Variants in TRPM1 observed in about 807,000 individuals in gnomAD.
TRPM1 encodes transient receptor potential cation channel subfamily M member 1.
Under a neutral mutation model 149.4 loss-of-function variants are expected in TRPM1, and 113 were observed. The observed-to-expected ratio is 0.76, with a 90% CI of 0.65 to 0.88. The LOEUF is 0.88. TRPM1 is among the 40% of genes least tolerant of loss of function. The probability of loss-of-function intolerance (pLI) is 0.00; values close to 1 mark genes in which losing one functional copy is unlikely to be tolerated. For synonymous variants in TRPM1, 741 were observed against 759.5 expected (o/e 0.98, Z 0.40); for missense variants, 1,976 against 2,038.7 (o/e 0.97, Z 0.59).
chr15:31,063,206 C>A lies in TRPM1; in HGVS notation c.877G>T (p.Glu293Ter), dbSNP rs757839268. The A allele has an allele frequency of 6.2e-7, 1 of 1,614,212 alleles. No homozygotes were observed. Among genetic ancestry groups the A allele is most frequent in the South Asian group, 1.1e-5 (1 of 91,086 alleles). ...CAAATCACCACAGGGATGGGAGGCT[C>A]TTCTTGCAGGTATTCCAAGACGATG... is the stretch of plus-strand genomic sequence containing the variant. ...VSIVLEYLQE[E>*]PPIPVVICDG... is the part of the protein sequence containing the mutation. The change falls in exon 8 of 28, where the codon GAG becomes TAG. Residue 293 changes from glutamate to a stop codon, truncating the protein, a stop_gained. Coordinates refer to ENST00000256552, the MANE Select transcript of TRPM1 (RefSeq NM_001252024.2). LOFTEE classifies it high-confidence loss of function.
intron 1 of TRPM1, among the ~76,000 whole-genome samples, chr15:31,088,453 G>A (rs1299414512): frequency 6.6e-6 from 1 of 152,196 alleles, no homozygotes; most frequent in African/African-American, 2.4e-5. Flanking sequence ...TGACTGTACG[G>A]TATGTGGCTT....
At chr15:31,108,556 C>T (rs994404325) in intron 1 of TRPM1, among the ~76,000 whole-genome samples, 9 of 151,924 alleles carry the variant, frequency 5.9e-5, no homozygotes, top group African/African-American at 9.7e-5. Context: ...TGCAACGGCA[C>T]GATCTCAGCT....
At chr15:31,061,691 G>GA (rs1555423937) in intron 9 of TRPM1, among the ~76,000 whole-genome samples, 177 bp from the exon 10 acceptor site, 3 of 145,740 alleles carry the variant, frequency 2.1e-5, no homozygotes, top group Non-Finnish European at 4.5e-5. Context: ...TTTTCTTTTT[G>GA]TTTTTTTTTT....
At chr15:31,060,264 C>T (rs1274892872) in intron 11 of TRPM1, 2 of 516,822 alleles carry the variant, frequency 3.9e-6, no homozygotes, top group African/African-American at 1.9e-5. Flanking sequence ...TTTATTTCTT[C>T]TTCTTTTTCT....
chr15:31,034,794 G>A (rs896797486), intron 21 of TRPM1, among the ~76,000 whole-genome samples: 3 of 152,158 alleles, frequency 2.0e-5, no homozygotes, highest in Non-Finnish European at 2.9e-5. Flanking sequence ...GCCCAGTTGC[G>A]GTAATTGGTT....
Position 31,067,872 on chromosome 15 carries a change from C to T in TRPM1, c.493+7G>A, listed in dbSNP as rs2034423825. 1.9e-6 allele frequency: 3 copies of T among 1,612,360 alleles called. No homozygotes were observed. The highest frequency in any genetic ancestry group is 1.1e-5 in the South Asian group (1 of 91,010). The stretch of plus-strand genomic sequence containing the variant: ...TGATTATCGGGAGGGAAAGGGCCTG[C>T]TCTTACCTGTGCTGACACCCCCGGT... On this transcript the variant is annotated splice_region_variant and intron_variant, in intron 5 of 27. Transcript: ENST00000256552.
chr15:31,149,481 T>C (rs1191342178), intron 1 of TRPM1, among the ~76,000 whole-genome samples: 1 of 150,942 alleles, frequency 6.6e-6, no homozygotes, highest in Non-Finnish European at 1.5e-5. Context: ...CCTGGGTCCT[T>C]GGGGTGCATG....
intron 1 of TRPM1, among the ~76,000 whole-genome samples, chr15:31,114,288 T>C (rs1245849119): frequency 2.0e-5 from 3 of 152,224 alleles, no homozygotes; most frequent in Admixed American, 2.0e-4. Context: ...TCTGTTCCTG[T>C]GTTAATTTGC....
intron 1 of TRPM1, among the ~76,000 whole-genome samples, chr15:31,091,828 G>GAAAAC (rs940389269): frequency 7.9e-5 from 12 of 152,268 alleles, no homozygotes; most frequent in South Asian, 2.1e-4. Context: ...AGGATTATGG[G>GAAAAC]AAAACAAAAC....
chr15:31,088,782 C>A (rs560684959), intron 1 of TRPM1, among the ~76,000 whole-genome samples: 16 of 144,236 alleles, frequency 1.1e-4, no homozygotes, highest in Admixed American at 6.2e-4. Context: ...TGGTATCAAA[C>A]ACCTGAACGT....
chr15:31,071,652 A>G (rs2034542584), intron 3 of TRPM1, among the ~76,000 whole-genome samples: 1 of 151,728 alleles, frequency 6.6e-6, no homozygotes, highest in South Asian at 2.1e-4. Flanking sequence ...CATGTAATAC[A>G]TAATCAACCC....
intron 1 of TRPM1, among the ~76,000 whole-genome samples, chr15:31,159,081 A>G (rs2036413303): frequency 6.6e-6 from 1 of 152,154 alleles, no homozygotes; most frequent in Non-Finnish European, 1.5e-5. Flanking sequence ...GCATGGGATC[A>G]CCTCAGATAG....
intron 1 of TRPM1, among the ~76,000 whole-genome samples, chr15:31,145,250 G>A (rs538547899): frequency 5.9e-5 from 9 of 152,274 alleles, no homozygotes; most frequent in Admixed American, 1.3e-4. Flanking sequence ...AGTCAGAGAC[G>A]TTCAAACTGG....
At chr15:31,148,734 CT>C (rs1567080408) in intron 1 of TRPM1, among the ~76,000 whole-genome samples, 1 of 152,122 alleles carries the variant, frequency 6.6e-6, no homozygotes, top group African/African-American at 2.4e-5. Flanking sequence ...ACCTTACCCC[CT>C]AGCAAATGTG....
At position 31,131,218 on chromosome 15, in the gene TRPM1, C is replaced by T. The variant is rs566808771; in HGVS notation, c.54+29688G>A. On this transcript the variant is annotated intron_variant, in intron 1 of 26. Transcript: ENST00000542188. ...CATCAGCCACTTAGAGCGACTGTTG[C>T]GGCAGCACAGTGCTTGTGTTCAGGT... Among the ~76,000 whole-genome samples the T allele has an allele frequency of 1.1e-4, 17 of 151,136 alleles. No homozygotes were observed. The East Asian group carries it at 2.1e-3, about 19-fold the overall frequency.
At position 31,032,815 on chromosome 15, in the gene TRPM1, G is replaced by T. The variant is rs1252337530; in HGVS notation, c.2826C>A (p.Asn942Lys). 1 of 1,614,090 alleles carries T rather than the reference G, an allele frequency of 6.2e-7. No individual in the cohort carries two copies. The highest frequency in any genetic ancestry group is 8.5e-7 in the Non-Finnish European group (1 of 1,180,054). ...FMIGAILRLQ[N>K]QPYMGYGRVI... Reference sequence around the variant, plus strand: ...CCCGGCCATAGCCCATGTAGGGCTGGTTCTGTAGGCGAAGAATTGCTCCAA... The same window carrying T: ...CCCGGCCATAGCCCATGTAGGGCTGTTTCTGTAGGCGAAGAATTGCTCCAA... Residue 942 changes from asparagine to lysine, a missense_variant, in exon 22 of 28, where the codon AAC becomes AAA. By Grantham distance (94) the Asn-to-Lys change is moderately conservative. Coordinates refer to ENST00000256552, the MANE Select transcript of TRPM1 (RefSeq NM_001252024.2).
intron 1 of TRPM1, among the ~76,000 whole-genome samples, chr15:31,093,135 C>T (rs1207455724): frequency 6.6e-6 from 1 of 151,816 alleles, no homozygotes; most frequent in African/African-American, 2.4e-5. Flanking sequence ...GTGACACACA[C>T]CTGTAGTCCC....
rs71420541 is a variant in TRPM1 at position 31,005,104 on chromosome 15, A to AAAATAAATAAATAAATAAATAAAT, written c.3630-2058_3630-2035dup. On this transcript the variant is annotated intron_variant, in intron 27 of 27. Transcript: ENST00000256552. ...ATGACAGAGCGAGACTCCATCTCAA[A>AAAATAAATAAATAAATAAATAAAT]AAATAAATAAATAAATAAATAAATA... Among the ~76,000 whole-genome samples the AAAATAAATAAATAAATAAATAAAT allele has an allele frequency of 7.9e-4, 113 of 142,844 alleles. 1 individual carries two copies. The highest frequency in any genetic ancestry group is 1.1e-3 in the Non-Finnish European group (75 of 65,854). The allele number at this position is 142,844 out of a possible 152,430, so 93.7% of individuals were successfully genotyped here.
rs2033559522 is a variant in TRPM1 at position 31,040,090 on chromosome 15, GGC to G, written c.2316+26_2316+27del. Reference sequence around the variant, plus strand: ...GAGAGTCACTTGTCACTGTCACCCTGGCCCGCCTCGCAGCACGTTGCACGCAC... The same window carrying G: ...GAGAGTCACTTGTCACTGTCACCCTGCCGCCTCGCAGCACGTTGCACGCAC... On this transcript the variant is annotated intron_variant, in intron 18 of 27. Coordinates refer to ENST00000256552, the MANE Select transcript of TRPM1 (RefSeq NM_001252024.2). The surrounding 1 kb of genome is among the most constrained non-coding windows in gnomAD (Gnocchi z 4.2). The G allele has an allele frequency of 1.2e-6, 2 of 1,602,460 alleles. No homozygotes were observed. The highest frequency in any genetic ancestry group is 1.7e-6 in the Non-Finnish European group (2 of 1,169,638).
Sources: gnomAD v4.1 joint callset for allele counts (sites outside exome capture counted in the v4.1 genomes callset) on GRCh38, gnomAD v4.1.1 for gene constraint, Gnocchi (gnomAD v3.1) non-coding constraint, MANE v1.5 for transcripts, NCBI Gene and HGNC (gene_info 2026-07-23, HGNC 2026-07-21) for gene names.